Variants in GEM observed in about 807,000 individuals in gnomAD.
The protein encoded by GEM is GTP binding protein overexpressed in skeletal muscle, also known as GTP-binding protein GEM.
Under a neutral mutation model 33.0 loss-of-function variants are expected in GEM, and 31 were observed. The ratio of observed to expected loss-of-function variants is 0.94; its 90% CI spans 0.71 to 1.27. The LOEUF is 1.27. Among genes scored for constraint, GEM ranks in the 50% most tolerant of loss-of-function variants. The probability of loss-of-function intolerance (pLI) is 0.00; values close to 1 mark genes in which losing one functional copy is unlikely to be tolerated. For missense variants in GEM, 354 were observed against 390.5 expected, an observed-to-expected ratio of 0.91 and a Z score of 0.79; for synonymous variants, 141 against 143.7, an observed-to-expected ratio of 0.98 and a Z score of 0.13.
intron 2 of GEM, among the ~76,000 whole-genome samples, chr8:94,258,987 C>G (rs1808958192): frequency 6.6e-6 from 1 of 152,216 alleles, no homozygotes; most frequent in East Asian, 1.9e-4. Context: ...CCTCCCGTTT[C>G]TCTTTCCTAG....
intron 2 of GEM, among the ~76,000 whole-genome samples, chr8:94,255,294 C>T (rs1475633908): frequency 1.3e-5 from 2 of 152,212 alleles, no homozygotes; most frequent in Admixed American, 1.3e-4. Flanking sequence ...CTAAGGATCA[C>T]AGCCATGAAA....
intron 2 of GEM, among the ~76,000 whole-genome samples, chr8:94,257,588 A>T (rs920122717): frequency 2.6e-5 from 4 of 152,054 alleles, no homozygotes; most frequent in South Asian, 2.1e-4. Flanking sequence ...TCCTATCTCA[A>T]TTTCTACTTG....
At chr8:94,255,466 C>T (rs1280357766) in intron 2 of GEM, among the ~76,000 whole-genome samples, 2 of 152,030 alleles carry the variant, frequency 1.3e-5, no homozygotes, top group Non-Finnish European at 2.9e-5. Flanking sequence ...CACCCCAGTA[C>T]ATGAGTTTAG....
intron 1 of GEM, among the ~76,000 whole-genome samples, chr8:94,261,257 A>T (rs149915014): frequency 2.9e-4 from 44 of 152,308 alleles, no homozygotes; most frequent in African/African-American, 9.9e-4. Flanking sequence ...TGGCAGAGAA[A>T]TGACCTGCTC....
Position 94,252,161 on chromosome 8 carries a change from G to C in GEM, c.471C>G (p.Tyr157Ter). 6.2e-7 allele frequency: 1 copy of C among 1,612,516 alleles called. No homozygotes were observed. Among genetic ancestry groups the C allele is most frequent in the Non-Finnish European group, 8.5e-7 (1 of 1,178,560 alleles). ...MQVGDAYLIVYSITDRASFEK... is the reference protein window; with the variant it reads ...MQVGDAYLIV ...CGAAGCTCGCTCGGTCTGTGATTGA[G>C]TAGACAATCAGGTATGCGTCCCCGA... The change falls in exon 4 of 5, where the codon TAC becomes TAG. Residue 157 changes from tyrosine to a stop codon, truncating the protein, a stop_gained. Transcript: ENST00000297596. LOFTEE classifies it high-confidence loss of function.
chr8:94,253,781 T>A (rs750940901), intron 2 of GEM, among the ~76,000 whole-genome samples: 6 of 152,188 alleles, frequency 3.9e-5, no homozygotes, highest in Non-Finnish European at 8.8e-5. Flanking sequence ...TGAGCCCAGA[T>A]CTTGTGTAGG....
chr8:94,252,238 A>G lies in GEM; in HGVS notation c.409-15T>C. Reference sequence around the variant, plus strand: ...TCATTTTCCCCCTAATGAAACAATAAGATCTTCTGTGAGTTCAGTTAGGCC... The same window carrying G: ...TCATTTTCCCCCTAATGAAACAATAGGATCTTCTGTGAGTTCAGTTAGGCC... On this transcript the variant is annotated splice_polypyrimidine_tract_variant and intron_variant, in intron 3 of 4. Coordinates refer to ENST00000297596, the MANE Select transcript of GEM (RefSeq NM_005261.4). 1.3e-6 allele frequency: 2 copies of G among 1,570,130 alleles called. No individual in the cohort carries two copies. The highest frequency in any genetic ancestry group is 1.7e-6 in the Non-Finnish European group (2 of 1,143,554).
Position 94,250,557 on chromosome 8 carries a change from C to T in GEM, c.644G>A (p.Cys215Tyr). ...EGRACAVVFDCKFIETSAAVQ... is the reference protein window; with the variant it reads ...EGRACAVVFDYKFIETSAAVQ... ...AGCTGCAGAGGTCTCGATGAACTTG[C>T]AGTCAAACACCACTGCACAGGCTCT... Residue 215 changes from cysteine (C) to tyrosine (Y), a missense_variant, in exon 5 of 5, where the codon TGC becomes TAC. Transcript: ENST00000297596. The T allele has an allele frequency of 6.2e-7, 1 of 1,613,986 alleles. No individual in the cohort carries two copies. Among genetic ancestry groups the T allele is most frequent in the Non-Finnish European group, 8.5e-7 (1 of 1,179,874 alleles).
At chr8:94,258,736 C>T (rs972401605) in intron 2 of GEM, among the ~76,000 whole-genome samples, 3 of 152,144 alleles carry the variant, frequency 2.0e-5, no homozygotes, top group African/African-American at 4.8e-5. Flanking sequence ...TAACACAGTG[C>T]CTGGCACATA....
Position 94,260,164 on chromosome 8 carries a change from G to A in GEM, c.331+9C>T. 1 of 1,567,106 alleles carries A rather than the reference G, an allele frequency of 6.4e-7. No individual in the cohort carries two copies. Among genetic ancestry groups the A allele is most frequent in the Non-Finnish European group, 8.8e-7 (1 of 1,141,224 alleles). ...GTGGAAAGAAGCCCACTGGGGCTGGGACACCTACCTCCCAGCACCTCGCAG... is the reference window on the plus strand; with the variant it reads ...GTGGAAAGAAGCCCACTGGGGCTGGAACACCTACCTCCCAGCACCTCGCAG... On this transcript the variant is annotated intron_variant, in intron 2 of 4. Transcript: ENST00000297596.
At chr8:94,256,197 C>T (rs1437573445) in intron 2 of GEM, among the ~76,000 whole-genome samples, 2 of 151,894 alleles carry the variant, frequency 1.3e-5, no homozygotes, top group Non-Finnish European at 2.9e-5. Flanking sequence ...ATTTTCCATC[C>T]TCTGACCCCC....
At chr8:94,258,206 T>C (rs1380824539) in intron 2 of GEM, among the ~76,000 whole-genome samples, 1 of 152,124 alleles carries the variant, frequency 6.6e-6, no homozygotes, top group African/African-American at 2.4e-5. Context: ...ACCCTCTGGA[T>C]ACATACAACT....
intron 2 of GEM, among the ~76,000 whole-genome samples, chr8:94,254,787 A>C (rs527777497): frequency 2.6e-5 from 4 of 152,320 alleles, no homozygotes; most frequent in Non-Finnish European, 5.9e-5. Flanking sequence ...AAATAAGAAG[A>C]GAGTTAACCA....
rs367607708 is a variant in GEM at position 94,250,274 on chromosome 8, C to T, written c.*36G>A. The T allele has an allele frequency of 9.0e-5, 139 of 1,542,276 alleles. 1 individual carries two copies. In the African/African-American group the frequency reaches 1.4e-3, roughly 15 times the overall value. On this transcript the variant is annotated 3_prime_UTR_variant, in exon 5 of 5. Transcript: ENST00000297596. Reference sequence around the variant, plus strand: ...TATTGGTCCCAATGGCCTTCAACAACGGCCATCAAAGGGACATCTGGGTGA... The same window carrying T: ...TATTGGTCCCAATGGCCTTCAACAATGGCCATCAAAGGGACATCTGGGTGA...
At chr8:94,257,333 A>AC (rs1808911668) in intron 2 of GEM, among the ~76,000 whole-genome samples, 2 of 152,050 alleles carry the variant, frequency 1.3e-5, no homozygotes, top group South Asian at 4.2e-4. Flanking sequence ...GGCACATGCC[A>AC]CCACGCCCGG....
intron 2 of GEM, among the ~76,000 whole-genome samples, chr8:94,257,524 G>A (rs3179604): frequency 0.12 from 18,060 of 152,068 alleles, 1,094 homozygotes; most frequent in Middle Eastern, 0.23. Flanking sequence ...TAATCTTTTC[G>A]CCTCGGAATT....
At chr8:94,253,402 C>A (rs1423833460) in intron 2 of GEM, among the ~76,000 whole-genome samples, 1 of 152,180 alleles carries the variant, frequency 6.6e-6, no homozygotes, top group African/African-American at 2.4e-5. Flanking sequence ...TTTTGTATGG[C>A]AAAATCATTT....
intron 2 of GEM, among the ~76,000 whole-genome samples, chr8:94,256,907 G>T (rs542092023): frequency 2.6e-5 from 4 of 152,272 alleles, no homozygotes; most frequent in South Asian, 2.1e-4. Flanking sequence ...TATGAAGGAG[G>T]TATTACCCCA....
chr8:94,257,142 ATTTAT>A (rs527272444), intron 2 of GEM, among the ~76,000 whole-genome samples: 215 of 151,468 alleles, frequency 1.4e-3, no homozygotes, highest in African/African-American at 4.6e-3. Flanking sequence ...TGAAGCTTTT[ATTTAT>A]TTTATTTATT....
Sources: allele counts gnomAD v4.1 joint callset (sites outside exome capture counted in the v4.1 genomes callset), GRCh38; gene constraint gnomAD v4.1.1; transcripts MANE v1.5; gene names NCBI Gene and HGNC (gene_info 2026-07-23, HGNC 2026-07-21).